The following CSMD3 variants were observed in gnomAD, a reference collection of about 807,000 sequenced individuals.
CSMD3 encodes the protein CUB and sushi domain-containing protein 3.
In CSMD3, 177 loss-of-function variants were observed where a neutral mutation model predicts 435.2. The ratio of observed to expected loss-of-function variants is 0.41; its 90% CI spans 0.36 to 0.46. The LOEUF is 0.46. Among genes scored for constraint, CSMD3 ranks in the 20% least tolerant of loss-of-function variants. The probability of loss-of-function intolerance (pLI) is 0.34; values close to 1 mark genes in which losing one functional copy is unlikely to be tolerated. For missense variants in CSMD3, 4,265 were observed against 4,504.6 expected, an observed-to-expected ratio of 0.95 and a Z score of 1.52; for synonymous variants, 1,656 against 1,520.5, an observed-to-expected ratio of 1.09 and a Z score of -2.07.
intron 47 of CSMD3, among the ~76,000 whole-genome samples, chr8:112,317,657 C>CTTT (rs1586752293): frequency 6.6e-6 from 1 of 151,920 alleles, no homozygotes; most frequent in East Asian, 1.9e-4. Flanking sequence ...TTCAAGATGT[C>CTTT]CTAATAGCAG....
At chr8:113,114,477 T>G (rs975882940) in intron 4 of CSMD3, among the ~76,000 whole-genome samples, 1 of 152,144 alleles carries the variant, frequency 6.6e-6, no homozygotes, top group African/African-American at 2.4e-5. Context: ...CATTTGTGTT[T>G]GGACCTTGGA....
At chr8:113,260,993 G>C (rs2093422536) in intron 3 of CSMD3, among the ~76,000 whole-genome samples, 1 of 152,086 alleles carries the variant, frequency 6.6e-6, no homozygotes, top group Non-Finnish European at 1.5e-5. Context: ...ATTTGGGTTG[G>C]TTCCAAGTCT....
intron 3 of CSMD3, among the ~76,000 whole-genome samples, chr8:113,210,606 A>G (rs2092822799): frequency 6.6e-6 from 1 of 152,004 alleles, no homozygotes; most frequent in African/African-American, 2.4e-5. Context: ...TGTGGGGCGC[A>G]GTGGCTTAGA....
chr8:112,640,053 G>A (rs756559870), intron 20 of CSMD3, among the ~76,000 whole-genome samples: 5 of 152,058 alleles, frequency 3.3e-5, no homozygotes, highest in South Asian at 2.1e-4. Flanking sequence ...TGGTTGCTCC[G>A]TATCTTCTCC....
intron 31 of CSMD3, among the ~76,000 whole-genome samples, chr8:112,486,287 G>A (rs1820128534): frequency 6.6e-6 from 1 of 151,984 alleles, no homozygotes; most frequent in African/African-American, 2.4e-5. Context: ...TCAATACAAA[G>A]TCCTTTGCAG....
chr8:113,334,211 T>C (rs1207148091), intron 1 of CSMD3, among the ~76,000 whole-genome samples: 1 of 151,628 alleles, frequency 6.6e-6, no homozygotes, highest in African/African-American at 2.4e-5. Flanking sequence ...TTTTATATTA[T>C]TTTAGATTCA....
chr8:113,087,409 A>C (rs1025096849), intron 5 of CSMD3, among the ~76,000 whole-genome samples: 1 of 152,144 alleles, frequency 6.6e-6, no homozygotes, highest in Non-Finnish European at 1.5e-5. Context: ...AGTCAATCCT[A>C]AGCCAAAAGA....
rs115685187 is a variant in CSMD3 at position 112,759,396 on chromosome 8, G to A, written c.1972+40766C>T. Reference sequence around the variant, plus strand: ...CTATTAGTGTCAGAACTCAGGGTTCGTAAATAGTTAAAGGTTTATACAACC... The same window carrying A: ...CTATTAGTGTCAGAACTCAGGGTTCATAAATAGTTAAAGGTTTATACAACC... On this transcript the variant is annotated intron_variant, in intron 13 of 70. Coordinates refer to ENST00000297405, the MANE Select transcript of CSMD3 (RefSeq NM_198123.2). 9.2e-3 allele frequency among the ~76,000 whole-genome samples: 1,393 copies of A among 152,126 alleles called. 18 individuals are homozygous for A. The highest frequency in any genetic ancestry group is 0.031 in the African/African-American group (1,300 of 41,532).
At chr8:113,120,533 T>A (rs1363646808) in intron 4 of CSMD3, among the ~76,000 whole-genome samples, 1 of 152,178 alleles carries the variant, frequency 6.6e-6, no homozygotes, top group Admixed American at 6.6e-5. Flanking sequence ...CAAATAAAAG[T>A]AAGCAGCGTT....
intron 10 of CSMD3, among the ~76,000 whole-genome samples, chr8:112,917,747 G>A (rs2082616154): frequency 6.6e-6 from 1 of 151,932 alleles, no homozygotes; most frequent in African/African-American, 2.4e-5. Context: ...AATGGGAATG[G>A]AAGTTTAGGA....
At position 112,532,967 on chromosome 8, in the gene CSMD3, C is replaced by A. The variant is rs191280703; in HGVS notation, c.4565-15742G>T. ...CTAAATATGGGGAGGAGTATGAAATCAAAATGCAGGGCTTTATAGATATTT... is the reference window on the plus strand; with the variant it reads ...CTAAATATGGGGAGGAGTATGAAATAAAAATGCAGGGCTTTATAGATATTT... On this transcript the variant is annotated intron_variant, in intron 27 of 70. Transcript: ENST00000297405. Among the ~76,000 whole-genome samples, 175 of 152,108 alleles carry A rather than the reference C, an allele frequency of 1.2e-3. 1 individual carries two copies. The highest frequency in any genetic ancestry group is 3.9e-3 in the African/African-American group (162 of 41,556).
At chr8:112,475,379 G>A (rs1818942722) in intron 31 of CSMD3, among the ~76,000 whole-genome samples, 1 of 152,016 alleles carries the variant, frequency 6.6e-6, no homozygotes, top group African/African-American at 2.4e-5. Flanking sequence ...CTATGAGGTT[G>A]TAATTTAATC....
At chr8:112,312,888 T>C (rs753994471) in intron 49 of CSMD3, among the ~76,000 whole-genome samples, 22 of 152,296 alleles carry the variant, frequency 1.4e-4, no homozygotes, top group Non-Finnish European at 2.2e-4. Context: ...TCAGAGTTTA[T>C]AAAACATTTA....
At chr8:113,408,740 C>G (rs1383217469) in intron 1 of CSMD3, among the ~76,000 whole-genome samples, 2 of 151,766 alleles carry the variant, frequency 1.3e-5, no homozygotes, top group African/African-American at 4.8e-5. Flanking sequence ...TCACTGCAAC[C>G]TCTCCCTCCT....
intron 5 of CSMD3, among the ~76,000 whole-genome samples, chr8:113,042,209 A>G (rs2087651412): frequency 6.6e-6 from 1 of 152,158 alleles, no homozygotes. Context: ...TGAGCTTGTC[A>G]CTGGGGTTAT....
At chr8:113,352,002 T>G (rs1025310737) in intron 1 of CSMD3, among the ~76,000 whole-genome samples, 3 of 152,150 alleles carry the variant, frequency 2.0e-5, no homozygotes, top group Admixed American at 1.3e-4. Flanking sequence ...TGAACTTCCA[T>G]GAATGTCTGT....
intron 35 of CSMD3, among the ~76,000 whole-genome samples, chr8:112,395,194 T>C (rs1000866545): frequency 1.3e-5 from 2 of 152,192 alleles, no homozygotes; most frequent in African/African-American, 4.8e-5. Flanking sequence ...TGTGGATTAA[T>C]AGAGCAGGCT....
At chr8:113,167,674 A>C (rs1391733193) in intron 4 of CSMD3, among the ~76,000 whole-genome samples, 2 of 152,208 alleles carry the variant, frequency 1.3e-5, no homozygotes, top group African/African-American at 2.4e-5. Context: ...GACCTGTGAC[A>C]CTTGTGAAGT....
chr8:112,794,285 C>CTTTTTTTTTTTTTTTTTTT lies in CSMD3; in HGVS notation c.1972+5858_1972+5876dup, dbSNP rs1203991072. On this transcript the variant is annotated intron_variant, in intron 13 of 70. Coordinates refer to ENST00000297405, the MANE Select transcript of CSMD3 (RefSeq NM_198123.2). ...TTGCCCCAGATGCTGGACTGATAAA[C>CTTTTTTTTTTTTTTTTTTT]TTTTTTTTTTTTTTTTTTTTTTTTT... Among the ~76,000 whole-genome samples, 7 of 96,302 alleles carry CTTTTTTTTTTTTTTTTTTT rather than the reference C, an allele frequency of 7.3e-5. 3 individuals are homozygous for CTTTTTTTTTTTTTTTTTTT. The highest frequency in any genetic ancestry group is 1.9e-4 in the African/African-American group (5 of 25,776). 63.2% of individuals were successfully genotyped at this position (96,302 alleles called of 152,430 possible).
Sources: allele counts gnomAD v4.1 joint callset (sites outside exome capture counted in the v4.1 genomes callset), GRCh38; gene constraint gnomAD v4.1.1; transcripts MANE v1.5; gene names NCBI Gene and HGNC (gene_info 2026-07-23, HGNC 2026-07-21).